Variants in BLTP1 observed in about 807,000 individuals in gnomAD.
BLTP1 encodes fragile site-associated protein.
At chr4:122,262,148 T>TTGTGTGTG in the BLTP1 span, among the ~76,000 whole-genome samples, 14,225 of 133,262 alleles carry the variant, frequency 0.11, 893 homozygotes, top group South Asian at 0.24. Context: ...TACAGATCCT[T>TTGTGTGTG]TGTGTGTGTG....
chr4:122,220,503 G>A, the BLTP1 span: 5 of 1,530,038 alleles, frequency 3.3e-6, no homozygotes, highest in Non-Finnish European at 4.5e-6. Flanking sequence ...TGGAGACATA[G>A]AGATTTATTA....
the BLTP1 span, among the ~76,000 whole-genome samples, chr4:122,319,458 A>G: frequency 6.7e-6 from 1 of 149,676 alleles, no homozygotes; most frequent in Non-Finnish European, 1.5e-5. Flanking sequence ...TTTTTCTTCA[A>G]CTCATGTTCA....
chr4:122,204,217 A>C, the BLTP1 span, among the ~76,000 whole-genome samples: 1 of 151,898 alleles, frequency 6.6e-6, no homozygotes, highest in Non-Finnish European at 1.5e-5. Flanking sequence ...GCAAAATGCA[A>C]GTGTGAAATG....
the BLTP1 span, chr4:122,170,500 C>G: frequency 7.6e-7 from 1 of 1,313,890 alleles, no homozygotes; most frequent in Non-Finnish European, 9.9e-7. Context: ...TTGAAGGAAA[C>G]AGAAAGGTGA....
chr4:122,240,360 A>C, the BLTP1 span: 15 of 1,603,192 alleles, frequency 9.4e-6, no homozygotes, highest in East Asian at 3.1e-4. Context: ...TAAGGTATAA[A>C]CCAAATCATT....
the BLTP1 span, among the ~76,000 whole-genome samples, chr4:122,219,887 A>G: frequency 6.6e-6 from 1 of 152,084 alleles, no homozygotes; most frequent in Non-Finnish European, 1.5e-5. Flanking sequence ...ACATTTTCTT[A>G]GCTTTTATCT....
At chr4:122,264,299 ACT>A in the BLTP1 span, 1 of 1,609,386 alleles carries the variant, frequency 6.2e-7, no homozygotes. Context: ...AGATTTCAAC[ACT>A]GTCTTGTCTA....
chr4:122,337,026 A>G, the BLTP1 span: 4 of 1,591,696 alleles, frequency 2.5e-6, no homozygotes, highest in Non-Finnish European at 2.6e-6. Context: ...TTCAGGTGAC[A>G]TACTTCATTT....
At chr4:122,216,101 A>G in the BLTP1 span, among the ~76,000 whole-genome samples, 449 of 133,948 alleles carry the variant, frequency 3.4e-3, 1 homozygote, top group African/African-American at 8.1e-3. Flanking sequence ...CTATCTATCT[A>G]TCTATCTATC....
the BLTP1 span, among the ~76,000 whole-genome samples, chr4:122,320,591 A>C: frequency 1.3e-5 from 2 of 152,146 alleles, no homozygotes; most frequent in African/African-American, 4.8e-5. Flanking sequence ...TCTGAAATTA[A>C]TATAGCTATC....
the BLTP1 span, among the ~76,000 whole-genome samples, chr4:122,234,565 G>A: frequency 2.7e-5 from 4 of 150,130 alleles, no homozygotes; most frequent in South Asian, 4.2e-4. Flanking sequence ...GCTTATTTCC[G>A]TCTCACTTGC....
the BLTP1 span, chr4:122,181,327 T>C: frequency 2.1e-6 from 1 of 479,276 alleles, no homozygotes; most frequent in Non-Finnish European, 2.7e-6. Flanking sequence ...ACTCCTCTTT[T>C]TTCCTGATAG....
the BLTP1 span, among the ~76,000 whole-genome samples, chr4:122,212,617 CA>C: frequency 1.6e-4 from 23 of 144,868 alleles, no homozygotes; most frequent in Non-Finnish European, 1.8e-4. Context: ...TTGTTTTTAT[CA>C]AAAAAAAAAC....
the BLTP1 span, chr4:122,344,747 A>C: frequency 7.6e-7 from 1 of 1,308,864 alleles, no homozygotes; most frequent in Non-Finnish European, 9.8e-7. Context: ...TAGGAATATA[A>C]TTTCTAGATA....
the BLTP1 span, among the ~76,000 whole-genome samples, chr4:122,195,029 C>T: frequency 6.6e-6 from 1 of 152,168 alleles, no homozygotes; most frequent in African/African-American, 2.4e-5. Context: ...CTTCTCCTTC[C>T]CTGTATTGAG....
At chr4:122,243,201 C>G in the BLTP1 span, 2 of 980,942 alleles carry the variant, frequency 2.0e-6, no homozygotes, top group Non-Finnish European at 2.9e-6. Context: ...TAATTCAGCT[C>G]TTTTCTCTGC....
the BLTP1 span, chr4:122,325,857 GA>G: frequency 9.3e-7 from 1 of 1,079,186 alleles, no homozygotes; most frequent in Non-Finnish European, 1.2e-6. Flanking sequence ...TAATTAAGTT[GA>G]AAAATACAGT....
At chr4:122,284,210 G>A in the BLTP1 span, among the ~76,000 whole-genome samples, 1 of 152,124 alleles carries the variant, frequency 6.6e-6, no homozygotes, top group Non-Finnish European at 1.5e-5. Flanking sequence ...CCAATAAGTT[G>A]TAGATTCTTA....
the BLTP1 span, chr4:122,346,959 A>T: frequency 1.2e-6 from 1 of 835,430 alleles, no homozygotes; most frequent in Non-Finnish European, 1.4e-6. Flanking sequence ...AAAAAGACAA[A>T]AAGTTTTGTC....
Sources: gnomAD v4.1 joint callset for allele counts (sites outside exome capture counted in the v4.1 genomes callset) on GRCh38, gnomAD v4.1.1 for gene constraint, MANE v1.5 for transcripts, NCBI Gene and HGNC (gene_info 2026-07-23, HGNC 2026-07-21) for gene names.